RNF180: variants seen among roughly 807,000 people sequenced by gnomAD.
The protein encoded by RNF180 is ring finger protein 180, also known as E3 ubiquitin-protein ligase RNF180.
A neutral mutation model predicts 59.2 loss-of-function variants in RNF180; 38 were observed. That is an observed-to-expected ratio of 0.64 (90% CI 0.50 to 0.84). The LOEUF is 0.84. Ranked by LOEUF, RNF180 falls within the 40% of genes least tolerant of loss-of-function variation. RNF180 has a pLI of 0.00. For missense variants in RNF180, 705 were observed against 700.9 expected (o/e 1.01, Z -0.07); for synonymous variants, 262 against 240.3 (o/e 1.09, Z -0.84).
At chr5:64,298,211 G>T (rs760828594) in intron 5 of RNF180, among the ~76,000 whole-genome samples, 71 of 152,086 alleles carry the variant, frequency 4.7e-4, no homozygotes, top group African/African-American at 1.7e-3. Flanking sequence ...CCTTTTTATG[G>T]CTGCATAGTA....
intron 7 of RNF180, among the ~76,000 whole-genome samples, chr5:64,354,077 A>T (rs1745923272): frequency 6.6e-6 from 1 of 151,644 alleles, no homozygotes; most frequent in Non-Finnish European, 1.5e-5. Flanking sequence ...AAGAATCAGC[A>T]CTCTAAACCC....
At chr5:64,235,891 C>G (rs1335950067) in intron 5 of RNF180, among the ~76,000 whole-genome samples, 1 of 152,202 alleles carries the variant, frequency 6.6e-6, no homozygotes, top group Non-Finnish European at 1.5e-5. Context: ...CCTGGGTCCT[C>G]CCTAGCCATG....
intron 7 of RNF180, among the ~76,000 whole-genome samples, chr5:64,360,708 A>T (rs1032873527): frequency 6.6e-5 from 10 of 151,764 alleles, no homozygotes; most frequent in Non-Finnish European, 1.5e-4. Flanking sequence ...CCCTATTCGT[A>T]AGCTAACAAG....
At chr5:64,254,863 TAGAA>T (rs943888623) in intron 5 of RNF180, among the ~76,000 whole-genome samples, 3 of 152,138 alleles carry the variant, frequency 2.0e-5, no homozygotes, top group Non-Finnish European at 4.4e-5. Context: ...TGAGGGTGCT[TAGAA>T]AGACATTTGG....
At chr5:64,239,530 C>T (rs1742668843) in intron 5 of RNF180, among the ~76,000 whole-genome samples, 1 of 151,974 alleles carries the variant, frequency 6.6e-6, no homozygotes, top group Non-Finnish European at 1.5e-5. Context: ...TTTCAAAAGA[C>T]AATTGTCTTT....
chr5:64,199,870 A>G lies in RNF180; in HGVS notation c.1-938A>G, dbSNP rs940440387. Among the ~76,000 whole-genome samples, 41 of 152,330 alleles carry G rather than the reference A, an allele frequency of 2.7e-4. 1 individual carries two copies. The highest frequency in any genetic ancestry group is 2.5e-3 in the South Asian group (12 of 4,826). Reference sequence around the variant, plus strand: ...TATTGACATAAAATCTCAGGTGCAAAAATAGATTACAAATTTGGTGGGGCT... The same window carrying G: ...TATTGACATAAAATCTCAGGTGCAAGAATAGATTACAAATTTGGTGGGGCT... On this transcript the variant is annotated intron_variant, in intron 1 of 7. Transcript: ENST00000389100.
At chr5:64,211,675 T>C (rs1353228745) in intron 2 of RNF180, among the ~76,000 whole-genome samples, 1 of 152,162 alleles carries the variant, frequency 6.6e-6, no homozygotes, top group Non-Finnish European at 1.5e-5. Flanking sequence ...ATAGAGCAAC[T>C]TTATTCTGTC....
intron 5 of RNF180, among the ~76,000 whole-genome samples, chr5:64,241,784 C>CCACATTACT (rs1742822174): frequency 6.6e-6 from 1 of 151,954 alleles, no homozygotes; most frequent in Non-Finnish European, 1.5e-5. Flanking sequence ...TTTTCATTAC[C>CCACATTACT]CACATTACTC....
At chr5:64,269,134 A>G (rs771150833) in intron 5 of RNF180, among the ~76,000 whole-genome samples, 3 of 152,162 alleles carry the variant, frequency 2.0e-5, no homozygotes, top group Non-Finnish European at 4.4e-5. Flanking sequence ...ATCCAATGAT[A>G]CATTGTTAAA....
chr5:64,251,617 T>A (rs1366173254), intron 5 of RNF180, among the ~76,000 whole-genome samples: 1 of 152,090 alleles, frequency 6.6e-6, no homozygotes, highest in Non-Finnish European at 1.5e-5. Context: ...ATTGTAGGCA[T>A]AGGATACTGT....
intron 5 of RNF180, among the ~76,000 whole-genome samples, chr5:64,257,170 T>C (rs1181023454): frequency 2.0e-5 from 3 of 152,204 alleles, no homozygotes; most frequent in Non-Finnish European, 4.4e-5. Flanking sequence ...TGACTTCCTA[T>C]TTTCCTAATT....
intron 5 of RNF180, among the ~76,000 whole-genome samples, chr5:64,219,683 T>A (rs1178809773): frequency 6.6e-6 from 1 of 151,148 alleles, no homozygotes; most frequent in South Asian, 2.1e-4. Context: ...TCAGCTAATT[T>A]TTTTTTTTTG....
At chr5:64,304,209 G>A (rs1743319158) in intron 5 of RNF180, among the ~76,000 whole-genome samples, 1 of 151,646 alleles carries the variant, frequency 6.6e-6, no homozygotes, top group African/African-American at 2.4e-5. Flanking sequence ...TGCTGGAGGT[G>A]TACAAGGAGA....
intron 5 of RNF180, among the ~76,000 whole-genome samples, chr5:64,256,721 T>C (rs1349262124): frequency 2.0e-5 from 3 of 152,298 alleles, no homozygotes; most frequent in African/African-American, 7.2e-5. Flanking sequence ...TAAAGTAGTT[T>C]TTTCCAATTC....
At chr5:64,277,227 G>A (rs192978436) in intron 5 of RNF180, among the ~76,000 whole-genome samples, 10 of 149,926 alleles carry the variant, frequency 6.7e-5, no homozygotes, top group African/African-American at 1.7e-4. Flanking sequence ...GAGAGTGGAA[G>A]GAGGAACAAG....
At chr5:64,287,245 G>C (rs1742336503) in intron 5 of RNF180, among the ~76,000 whole-genome samples, 1 of 152,104 alleles carries the variant, frequency 6.6e-6, no homozygotes, top group Admixed American at 6.5e-5. Context: ...GATTACAGAC[G>C]TGAGCCACCG....
At position 64,370,100 on chromosome 5, in the gene RNF180, A is replaced by G. The variant is rs1746609480; in HGVS notation, c.*286A>G. ...TCTGATTTTATAATATCACTTTAAT[A>G]CTTATTTTGATTGTAAAAAACTGAA... On this transcript the variant is annotated 3_prime_UTR_variant, in exon 8 of 8. Transcript: ENST00000389100. 5.2e-6 allele frequency: 1 copy of G among 191,550 alleles called. No homozygotes were observed. The highest frequency in any genetic ancestry group is 1.1e-5 in the Non-Finnish European group (1 of 94,604). The allele number at this position is 191,550 out of a possible 1,614,324, so 11.9% of individuals were successfully genotyped here.
chr5:64,259,942 T>TA (rs1744226239), intron 5 of RNF180, among the ~76,000 whole-genome samples: 2 of 152,052 alleles, frequency 1.3e-5, no homozygotes, highest in East Asian at 1.9e-4. Flanking sequence ...ACAAAAAAAT[T>TA]AAAAAAATTC....
chr5:64,255,454 G>A (rs575179475), intron 5 of RNF180, among the ~76,000 whole-genome samples: 4 of 152,236 alleles, frequency 2.6e-5, no homozygotes, highest in Admixed American at 2.0e-4. Context: ...GTGGTGTATG[G>A]TTTTTTGTCC....
Sources: allele counts gnomAD v4.1 joint callset (sites outside exome capture counted in the v4.1 genomes callset), GRCh38; gene constraint gnomAD v4.1.1; transcripts MANE v1.5; gene names NCBI Gene and HGNC (gene_info 2026-07-23, HGNC 2026-07-21).